Variants in ZNF718 observed in about 807,000 individuals in gnomAD.
The protein encoded by ZNF718 is zinc finger protein 718.
Under a neutral mutation model 2.6 loss-of-function variants are expected in ZNF718, and 3 were observed. The ratio of observed to expected loss-of-function variants is 1.16; its 90% confidence interval spans 0.53 to 3.01. The LOEUF (loss-of-function observed/expected upper bound fraction) is 3.01, where lower values mean the gene tolerates loss of function less well. Among genes scored for constraint, ZNF718 ranks in the 30% most tolerant of loss-of-function variants. ZNF718 has a pLI of 0.03. For synonymous variants in ZNF718, 135 were observed against 77.9 expected (o/e 1.73, Z -3.86); for missense variants, 468 against 230.0 (o/e 2.03, Z -6.69).
chr4:169,468 A>T (rs895631910), intron 3 of ZNF718, among the ~76,000 whole-genome samples: 6 of 152,072 alleles, frequency 3.9e-5, no homozygotes, highest in Non-Finnish European at 5.9e-5. Flanking sequence ...GTCTCCCATT[A>T]TTATTGTGTG....
At position 154,131 on chromosome 4, in the gene ZNF718, C is replaced by T. The variant is rs144006476; in HGVS notation, c.227-6781C>T. Among the ~76,000 whole-genome samples, 7 of 152,278 alleles carry T rather than the reference C, an allele frequency of 4.6e-5. No homozygotes were observed. In the East Asian group the frequency reaches 1.4e-3, roughly 29 times the overall value. On this transcript the variant is annotated intron_variant, in intron 3 of 3. Transcript: ENST00000510175. ...TTTGTTTGGCTCTCATTCTGTCTTG[C>T]CTCCTGCCATATATGACATGACTTT...
At chr4:183,698 GTTC>G (rs782644441) in intron 3 of ZNF718, among the ~76,000 whole-genome samples, 3 of 152,078 alleles carry the variant, frequency 2.0e-5, no homozygotes, top group African/African-American at 7.2e-5. Flanking sequence ...ATGGCCTTTA[GTTC>G]TTCTTGAAGA....
At position 124,580 on chromosome 4, in the gene ZNF718, T is replaced by C. The variant is rs1379664673; in HGVS notation, c.-91T>C. On this transcript the variant is annotated 5_prime_UTR_variant, in exon 1 of 4. Transcript: ENST00000510175. The stretch of plus-strand genomic sequence containing the variant: ...CCGCTCCTTAGGGAAGCCTCGGTGA[T>C]TCTGCCACAGCCTCAGCCTCTGTGG... The C allele has an allele frequency of 5.8e-6, 9 of 1,562,124 alleles. No homozygotes were observed. The South Asian group carries it at 8.9e-5, about 15-fold the overall frequency.
At chr4:135,195 T>C (rs1169637457) in intron 3 of ZNF718, among the ~76,000 whole-genome samples, 1 of 150,816 alleles carries the variant, frequency 6.6e-6, no homozygotes, top group African/African-American at 2.4e-5. Context: ...TGAGCTGAGA[T>C]TGCACCACTA....
chr4:195,345 A>G (rs944644990), intron 3 of ZNF718, among the ~76,000 whole-genome samples: 1 of 152,184 alleles, frequency 6.6e-6, no homozygotes, highest in African/African-American at 2.4e-5. Context: ...CTCCCTGTCA[A>G]TTACTGCATA....
intron 3 of ZNF718, among the ~76,000 whole-genome samples, chr4:138,366 T>G (rs1715665928): frequency 6.6e-6 from 1 of 152,188 alleles, no homozygotes; most frequent in Non-Finnish European, 1.5e-5. Context: ...CCAGCAAATG[T>G]GTGAGAACAT....
At chr4:133,689 G>T (rs1379833275) in intron 3 of ZNF718, among the ~76,000 whole-genome samples, 1 of 152,170 alleles carries the variant, frequency 6.6e-6, no homozygotes, top group Non-Finnish European at 1.5e-5. Flanking sequence ...AGTTATGTTT[G>T]CATGACATAT....
At chr4:195,499 A>G (rs1021115927) in intron 3 of ZNF718, among the ~76,000 whole-genome samples, 6 of 151,994 alleles carry the variant, frequency 3.9e-5, no homozygotes, top group Non-Finnish European at 5.9e-5. Context: ...GGTTAAGGGA[A>G]TTTTCAGTGA....
downstream of ZNF718, among the ~76,000 whole-genome samples, chr4:165,397 CAT>C (rs562580590): frequency 3.2e-3 from 494 of 152,212 alleles, 6 homozygotes; most frequent in African/African-American, 0.011. Flanking sequence ...TTAAATGAAA[CAT>C]AAGCTAGAAT....
chr4:192,205 A>G (rs776513243), intron 3 of ZNF718, among the ~76,000 whole-genome samples: 31 of 152,144 alleles, frequency 2.0e-4, no homozygotes, highest in Non-Finnish European at 3.8e-4. Flanking sequence ...ACAAACGCAG[A>G]CCAGAAGAGT....
intron 3 of ZNF718, among the ~76,000 whole-genome samples, chr4:172,971 G>A (rs1249968572): frequency 1.3e-5 from 2 of 152,110 alleles, no homozygotes; most frequent in Non-Finnish European, 2.9e-5. Context: ...CTTGAACCTG[G>A]GAGGTGTAGG....
At chr4:139,925 T>C (rs1211242298) in intron 3 of ZNF718, among the ~76,000 whole-genome samples, 2 of 152,228 alleles carry the variant, frequency 1.3e-5, no homozygotes, top group African/African-American at 4.8e-5. Flanking sequence ...CCTGGTTTGC[T>C]TAAGGAACCT....
intron 3 of ZNF718, among the ~76,000 whole-genome samples, chr4:170,064 A>G (rs1241139159): frequency 6.7e-6 from 1 of 148,958 alleles, no homozygotes; most frequent in Non-Finnish European, 1.5e-5. Flanking sequence ...ATCTCTCAGC[A>G]TTTGCTTGTC....
At chr4:141,673 A>C (rs192457853) in intron 3 of ZNF718, among the ~76,000 whole-genome samples, 48 of 152,322 alleles carry the variant, frequency 3.2e-4, no homozygotes, top group Admixed American at 5.9e-4. Context: ...TATATGTTCC[A>C]AAACTGTATG....
At chr4:155,673 C>T (rs1200816083) in intron 3 of ZNF718, among the ~76,000 whole-genome samples, 1 of 152,086 alleles carries the variant, frequency 6.6e-6, no homozygotes, top group Non-Finnish European at 1.5e-5. Context: ...TTTACAGGCT[C>T]ATAGGTGGAA....
intron 3 of ZNF718, among the ~76,000 whole-genome samples, chr4:159,564 G>A (rs1323224307): frequency 6.6e-6 from 1 of 152,016 alleles, no homozygotes; most frequent in Non-Finnish European, 1.5e-5. Context: ...AGCTTGTGGA[G>A]CATCTTCAGT....
chr4:143,634 T>C (rs1028126591), intron 3 of ZNF718, among the ~76,000 whole-genome samples: 4 of 152,192 alleles, frequency 2.6e-5, no homozygotes, highest in Non-Finnish European at 4.4e-5. Flanking sequence ...AGGTTTTTTT[T>C]CTCCTGCAAA....
At chr4:164,891 T>A (rs1008859546), downstream of ZNF718, among the ~76,000 whole-genome samples, 1 of 152,256 alleles carries the variant, frequency 6.6e-6, no homozygotes, top group Admixed American at 6.5e-5. Flanking sequence ...GCTCCATAAT[T>A]AGGTATAAAT....
chr4:193,152 T>C (rs1301375704), intron 3 of ZNF718, among the ~76,000 whole-genome samples: 1 of 152,188 alleles, frequency 6.6e-6, no homozygotes, highest in African/African-American at 2.4e-5. Context: ...GATTACACCT[T>C]ACTAGGGGTC....
Sources: gnomAD v4.1 joint callset for allele counts (sites outside exome capture counted in the v4.1 genomes callset) on GRCh38, gnomAD v4.1.1 for gene constraint, MANE v1.5 for transcripts, NCBI Gene and HGNC (gene_info 2026-07-23, HGNC 2026-07-21) for gene names.